The following DNAI7 variants were observed in gnomAD, a reference collection of about 807,000 sequenced individuals.
The protein encoded by DNAI7 is cancer susceptibility 1.
DNAI7 carries 78 observed loss-of-function variants against 86.6 expected under a neutral mutation model. The ratio of observed to expected loss-of-function variants is 0.90; its 90% CI spans 0.75 to 1.09. The LOEUF is 1.09. Among genes scored for constraint, DNAI7 ranks in the 50% least tolerant of loss-of-function variants. The pLI is 0.00. For synonymous variants in DNAI7, 274 were observed against 273.0 expected (o/e 1.00, Z -0.04); for missense variants, 753 against 810.2 (o/e 0.93, Z 0.86).
intron 15 of DNAI7, 125 bp from the exon 16 acceptor site, chr12:25,108,948 CTA>C (rs765620997): frequency 6.1e-5 from 36 of 586,854 alleles, no homozygotes; most frequent in African/African-American, 6.1e-4. Context: ...AAGAAACAGT[CTA>C]TGTGTTCCAT....
At chr12:25,160,794 C>T (rs1397860733) in intron 3 of DNAI7, among the ~76,000 whole-genome samples, 4 of 152,098 alleles carry the variant, frequency 2.6e-5, no homozygotes, top group African/African-American at 9.7e-5. Context: ...TTATTTAAAA[C>T]AATTTTTTTT....
chr12:25,183,301 T>C (rs1041270106), intron 2 of DNAI7, among the ~76,000 whole-genome samples: 6 of 151,418 alleles, frequency 4.0e-5, no homozygotes, highest in Non-Finnish European at 8.8e-5. Context: ...TGAGCAATGG[T>C]TTCACCAGAA....
intron 2 of DNAI7, among the ~76,000 whole-genome samples, chr12:25,173,981 C>CATATATATGGAATACAT (rs1162226543): frequency 3.4e-5 from 5 of 148,272 alleles, no homozygotes; most frequent in Non-Finnish European, 7.4e-5. Context: ...ATACATATAT[C>CATATATATGGAATACAT]ATATACATGG....
rs779224039 is a variant in DNAI7, at chr12:25,108,742, G to GTCTT, written c.1971_1974dup (p.Leu659LysfsTer9). On this transcript the variant is annotated frameshift_variant, in exon 16 of 16. Transcript: ENST00000395987. LOFTEE classifies it low-confidence loss of function (END_TRUNC). The stretch of plus-strand genomic sequence containing the variant: ...GCCTCACTCTCTTCCTTGATCTTCA[G>GTCTT]TCTTTGTGCTCTGTCACCACTAAAC... 8.0e-6 allele frequency: 12 copies of GTCTT among 1,506,040 alleles called. No homozygotes were observed. Among genetic ancestry groups the GTCTT allele is most frequent in the South Asian group, 2.2e-5 (2 of 89,588 alleles). The allele number at this position is 1,506,040 out of a possible 1,614,324, so 93.3% of individuals were successfully genotyped here. A position where few individuals can be genotyped will look rare whatever the true frequency, so the allele number is the denominator to read the frequency against.
intron 14 of DNAI7, 93 bp from the exon 15 acceptor site, chr12:25,110,333 C>T (rs773739844): frequency 2.8e-5 from 20 of 704,774 alleles, no homozygotes; most frequent in Admixed American, 4.6e-5. Flanking sequence ...TCAACACAGA[C>T]GGATCCACTT....
Position 25,119,277 on chromosome 12 carries a change from A to T in DNAI7, c.1264T>A (p.Tyr422Asn). 1 of 1,609,452 alleles carries T rather than the reference A, an allele frequency of 6.2e-7. No homozygotes were observed. The highest frequency in any genetic ancestry group is 2.2e-5 in the East Asian group (1 of 44,818). The part of the protein sequence containing the change: ...VEILKEGLQK[Y>N]TYPPETTEEF... ...TCTGTAGTTTCCGGAGGATATGTGT[A>T]TTTCTGTAATCCTTCTTTGAGTATC... is the stretch of plus-strand genomic sequence containing the variant. The change falls in exon 12 of 16, where the codon TAC becomes AAC. Residue 422 changes from tyrosine to asparagine, a missense_variant. Coordinates refer to ENST00000395987, the MANE Select transcript of DNAI7 (RefSeq NM_018272.5).
chr12:25,125,146 T>C (rs933860870), intron 9 of DNAI7, among the ~76,000 whole-genome samples: 3 of 152,210 alleles, frequency 2.0e-5, no homozygotes, highest in African/African-American at 7.2e-5. Context: ...GTAATGGGAT[T>C]GCTGGGTGAA....
intron 15 of DNAI7, 62 bp from the exon 16 acceptor site, chr12:25,108,885 A>G: frequency 9.7e-7 from 1 of 1,030,502 alleles, no homozygotes; most frequent in South Asian, 2.1e-5. Flanking sequence ...GTATTTTGGT[A>G]GCAGATTATT....
intron 2 of DNAI7, among the ~76,000 whole-genome samples, chr12:25,187,534 T>C (rs551853686): frequency 6.6e-6 from 1 of 152,300 alleles, no homozygotes; most frequent in East Asian, 1.9e-4. Context: ...GCTGTTCACT[T>C]AATGCCTTGA....
intron 4 of DNAI7, among the ~76,000 whole-genome samples, chr12:25,157,259 CAG>C (rs1313632970): frequency 1.8e-5 from 2 of 114,036 alleles, no homozygotes; most frequent in South Asian, 2.7e-4. Flanking sequence ...GCCTGGGCGA[CAG>C]AGAGAGACTC....
intron 2 of DNAI7, among the ~76,000 whole-genome samples, chr12:25,177,376 C>G (rs757735099): frequency 6.6e-6 from 1 of 152,110 alleles, no homozygotes; most frequent in African/African-American, 2.4e-5. Context: ...TCTACTTTGT[C>G]TATATGAGTT....
chr12:25,185,687 G>A, intron 2 of DNAI7: 1 of 640,706 alleles, frequency 1.6e-6, no homozygotes, highest in South Asian at 7.0e-5. Context: ...TTAATGTCCT[G>A]AACTCAATAC....
chr12:25,176,573 T>G (rs993443145), intron 2 of DNAI7, among the ~76,000 whole-genome samples: 5 of 152,088 alleles, frequency 3.3e-5, no homozygotes, highest in Middle Eastern at 6.8e-3. Context: ...ATTTTTTAAT[T>G]TTTATAAATA....
chr12:25,137,312 C>A (rs878924551), intron 9 of DNAI7, among the ~76,000 whole-genome samples: 1 of 152,092 alleles, frequency 6.6e-6, no homozygotes, highest in Non-Finnish European at 1.5e-5. Context: ...AAGATAAAGT[C>A]TTTTTCAGAC....
chr12:25,110,715 T>C (rs1209245818), intron 14 of DNAI7, among the ~76,000 whole-genome samples: 3 of 152,222 alleles, frequency 2.0e-5, no homozygotes, highest in East Asian at 3.9e-4. Context: ...CTATTTAATA[T>C]GGGTGTCATA....
downstream of DNAI7, chr12:25,107,109 G>T: frequency 2.2e-6 from 2 of 893,386 alleles, no homozygotes; most frequent in South Asian, 1.6e-5. Context: ...GGTGAGGCAG[G>T]GCTGACAGTA....
At chr12:25,146,932 T>A in intron 8 of DNAI7, 69 bp downstream of exon 8, 1 of 812,438 alleles carries the variant, frequency 1.2e-6, no homozygotes. Context: ...TAGGCATCTA[T>A]CTGGCAATCA....
chr12:25,148,314 A>T (rs1489052884), intron 7 of DNAI7, among the ~76,000 whole-genome samples: 1 of 152,228 alleles, frequency 6.6e-6, no homozygotes, highest in Non-Finnish European at 1.5e-5. Context: ...ATCATAGGTT[A>T]TGCTGTATTC....
At chr12:25,126,565 G>A (rs528026685) in intron 9 of DNAI7, among the ~76,000 whole-genome samples, 1 of 152,052 alleles carries the variant, frequency 6.6e-6, no homozygotes, top group East Asian at 1.9e-4. Context: ...GAGAGGCTAC[G>A]GCTGATGTTC....
Sources: allele counts gnomAD v4.1 joint callset (sites outside exome capture counted in the v4.1 genomes callset), GRCh38; gene constraint gnomAD v4.1.1; transcripts MANE v1.5; gene names NCBI Gene and HGNC (gene_info 2026-07-23, HGNC 2026-07-21).